PSEN1: variants seen among roughly 807,000 people sequenced by gnomAD.
PSEN1 encodes the protein presenilin-1.
Under a neutral mutation model 53.5 loss-of-function variants are expected in PSEN1, and 15 were observed. That is an observed-to-expected ratio of 0.28 (90% confidence interval 0.19 to 0.43). The LOEUF (loss-of-function observed/expected upper bound fraction) is 0.43, where lower values mean the gene tolerates loss of function less well. Among genes scored for constraint, PSEN1 ranks in the 20% least tolerant of loss-of-function variants. The probability of loss-of-function intolerance (pLI) is 1.00; values close to 1 mark genes in which losing one functional copy is unlikely to be tolerated. For synonymous variants in PSEN1, 208 were observed against 209.8 expected, an observed-to-expected ratio of 0.99 and a Z score of 0.08; for missense variants, 387 against 571.2, an observed-to-expected ratio of 0.68 and a Z score of 3.29.
chr14:73,175,159 T>C (rs1270771906), intron 5 of PSEN1, among the ~76,000 whole-genome samples: 1 of 152,080 alleles, frequency 6.6e-6, no homozygotes, highest in Non-Finnish European at 1.5e-5. Context: ...GAAGTCTCGC[T>C]CTTGTCCCGC....
rs183132973 is a variant in PSEN1 at position 73,162,422 on chromosome 14, C to T, written c.88-8375C>T. On this transcript the variant is annotated intron_variant, in intron 3 of 11. Transcript: ENST00000324501. ...CAGGGAGGGCAATTTGGCATGCTCT[C>T]GTTCTCTCTCTCGCTCGCTCGCGCG... Among the ~76,000 whole-genome samples, 437 of 150,622 alleles carry T rather than the reference C, an allele frequency of 2.9e-3. 1 individual carries two copies. The highest frequency in any genetic ancestry group is 9.9e-3 in the African/African-American group (406 of 41,154).
At chr14:73,140,169 C>T (rs548037624) in intron 1 of PSEN1, among the ~76,000 whole-genome samples, 2 of 149,514 alleles carry the variant, frequency 1.3e-5, no homozygotes, top group Non-Finnish European at 1.5e-5. Context: ...TTCTGAAATC[C>T]GAAAACTAAA....
chr14:73,205,014 T>A (rs950657159), intron 8 of PSEN1, among the ~76,000 whole-genome samples: 1 of 152,238 alleles, frequency 6.6e-6, no homozygotes, highest in Non-Finnish European at 1.5e-5. Flanking sequence ...GGTTGGGTTA[T>A]CCTATAATGA....
In PSEN1 at chr14:73,170,813, G is replaced by A. The variant is rs63750592; in HGVS notation, c.104G>A (p.Arg35Gln). The A allele has an allele frequency of 3.8e-4, 614 of 1,614,082 alleles. 1 individual carries two copies. The highest frequency in any genetic ancestry group is 4.8e-4 in the Non-Finnish European group (568 of 1,179,986). The part of the protein sequence containing the change: ...TVRSQNDNRE[R>Q]QEHNDRRSLG... ...TGCTTATAGAATGACAATAGAGAAC[G>A]GCAGGAGCACAACGACAGACGGAGC... is the stretch of plus-strand genomic sequence containing the variant. Residue 35 changes from arginine to glutamine, a missense_variant, in exon 4 of 12, where the codon CGG becomes CAG. Physicochemically the swap from Arg to Gln is conservative, Grantham distance 43. Transcript: ENST00000324501.
intron 5 of PSEN1, among the ~76,000 whole-genome samples, chr14:73,177,880 A>C (rs1264276550): frequency 6.6e-6 from 1 of 151,836 alleles, no homozygotes; most frequent in Non-Finnish European, 1.5e-5. Context: ...GAGCTTTTTG[A>C]ATCTCTAGGT....
In PSEN1 at chr14:73,217,241, A is replaced by G; in HGVS notation, c.1245A>G (p.Leu415=). 6.2e-7 allele frequency: 1 copy of G among 1,614,122 alleles called. No individual in the cohort carries two copies. Among genetic ancestry groups the G allele is most frequent in the Non-Finnish European group, 8.5e-7 (1 of 1,179,962 alleles). Residue 415 remains leucine (L), a synonymous_variant, in exon 11 of 12, where the codon TTA becomes TTG. Transcript: ENST00000324501. ...CCATAGCCTGTTTCGTAGCCATATT[A>G]ATTGTAAGTATACACTAATAAGAAT... ...NTTIACFVAI[L]IGLCLTLLLL... is the part of the protein sequence containing the mutation.
intron 10 of PSEN1, among the ~76,000 whole-genome samples, chr14:73,213,904 A>T (rs1679607000): frequency 6.6e-6 from 1 of 152,216 alleles, no homozygotes; most frequent in African/African-American, 2.4e-5. Flanking sequence ...GGAATGTAAA[A>T]TAGTATAGTG....
chr14:73,185,456 G>A lies in PSEN1; in HGVS notation c.481-1397G>A, dbSNP rs1016648954. ...CCGTCTCCACCAAAACCAGTCAGGC[G>A]TGGCGGCGTGAGTCTGCAATCGCAG... On this transcript the variant is annotated intron_variant, in intron 5 of 11. Coordinates refer to ENST00000324501, the MANE Select transcript of PSEN1 (RefSeq NM_000021.4). 2.6e-5 allele frequency among the ~76,000 whole-genome samples: 4 copies of A among 152,232 alleles called. No individual in the cohort carries two copies. The East Asian group carries it at 7.7e-4, about 29-fold the overall frequency.
rs398043836 is a variant in PSEN1 at position 73,212,088 on chromosome 14, C to CTTTTT, written c.1129+183_1129+187dup. On this transcript the variant is annotated intron_variant, in intron 10 of 11. Transcript: ENST00000324501. The stretch of plus-strand genomic sequence containing the variant: ...TTATTTGGATATATCAGTAATAGTG[C>CTTTTT]TTTTTTTTTTTTTTTTTTTTTTTTT... 123 of 70,566 alleles carry CTTTTT rather than the reference C, an allele frequency of 1.7e-3. 51 individuals carry two copies. Among genetic ancestry groups the CTTTTT allele is most frequent in the Non-Finnish European group, 2.5e-3 (94 of 37,886 alleles). The allele number at this position is 70,566 out of a possible 1,614,324, so 4.4% of individuals were successfully genotyped here. A position where few individuals can be genotyped will look rare whatever the true frequency, so the allele number is the denominator to read the frequency against.
chr14:73,181,604 A>T (rs1667689387), intron 5 of PSEN1, among the ~76,000 whole-genome samples: 1 of 152,146 alleles, frequency 6.6e-6, no homozygotes, highest in South Asian at 2.1e-4. Context: ...TTAAAAAAAA[A>T]TCATATTTTC....
intron 7 of PSEN1, 48 bp downstream of exon 7, chr14:73,192,912 G>A (rs1483253566): frequency 5.6e-6 from 8 of 1,417,396 alleles, no homozygotes; most frequent in African/African-American, 1.4e-5. Flanking sequence ...TGCCCCACTG[G>A]AGTGTTTTCT....
At position 73,221,739 on chromosome 14, in the gene PSEN1, C is replaced by T. The variant is rs969199330; in HGVS notation, c.*2450C>T. The T allele has an allele frequency of 1.3e-5, 2 of 152,142 alleles. No homozygotes were observed. The highest frequency in any genetic ancestry group is 4.8e-5 in the African/African-American group (2 of 41,446). The allele number at this position is 152,142 out of a possible 1,614,324, so 9.4% of individuals were successfully genotyped here. On this transcript the variant is annotated 3_prime_UTR_variant, in exon 12 of 12. Coordinates refer to ENST00000324501, the MANE Select transcript of PSEN1 (RefSeq NM_000021.4). Reference sequence around the variant, plus strand: ...ATTCATCTCAGGCAGAGAACTTTTCCCTCAAACATTCTTTTTAGAATTAGT... The same window carrying T: ...ATTCATCTCAGGCAGAGAACTTTTCTCTCAAACATTCTTTTTAGAATTAGT...
chr14:73,166,647 T>C (rs918927806), intron 3 of PSEN1, among the ~76,000 whole-genome samples: 4 of 152,240 alleles, frequency 2.6e-5, no homozygotes, highest in Non-Finnish European at 4.4e-5. Flanking sequence ...GAATAGAAGA[T>C]AGACAGCTCC....
At chr14:73,212,081 A>T (rs542702916) in intron 10 of PSEN1, 139 bp downstream of exon 10, 3 of 178,484 alleles carry the variant, frequency 1.7e-5, no homozygotes, top group Non-Finnish European at 3.2e-5. Context: ...ATATATCAGT[A>T]ATAGTGCTTT....
At chr14:73,211,986 G>A in intron 10 of PSEN1, 44 bp downstream of exon 10, 1 of 1,535,780 alleles carries the variant, frequency 6.5e-7, no homozygotes, top group South Asian at 1.1e-5. Flanking sequence ...ATTCCTTTAG[G>A]TAGCTACATT....
chr14:73,144,166 G>A (rs1897004536), intron 1 of PSEN1, among the ~76,000 whole-genome samples: 1 of 147,442 alleles, frequency 6.8e-6, no homozygotes, highest in South Asian at 2.2e-4. Flanking sequence ...TCAGCCTCCC[G>A]AGTAGCTGGG....
chr14:73,204,678 C>T (rs1267175985), intron 8 of PSEN1, among the ~76,000 whole-genome samples: 1 of 152,096 alleles, frequency 6.6e-6, no homozygotes, highest in Non-Finnish European at 1.5e-5. Flanking sequence ...TATATTTTTT[C>T]ATACTTGCAT....
chr14:73,212,022 A>T, intron 10 of PSEN1, 80 bp downstream of exon 10: 2 of 1,227,016 alleles, frequency 1.6e-6, no homozygotes, highest in South Asian at 2.5e-5. Flanking sequence ...AATAAAATGA[A>T]TTGAGAGTGT....
chr14:73,171,161 C>T, intron 4 of PSEN1, 114 bp downstream of exon 4: 1 of 1,307,988 alleles, frequency 7.6e-7, no homozygotes, highest in South Asian at 1.3e-5. Context: ...GCTGGAGAGC[C>T]CATCCTCTGT....
Sources: allele counts gnomAD v4.1 joint callset (sites outside exome capture counted in the v4.1 genomes callset), GRCh38; gene constraint gnomAD v4.1.1; transcripts MANE v1.5; gene names NCBI Gene and HGNC (gene_info 2026-07-23, HGNC 2026-07-21).